The following FRY variants were observed in gnomAD, a reference collection of about 807,000 sequenced individuals.
FRY encodes protein furry homolog.
Under a neutral mutation model 348.4 loss-of-function variants are expected in FRY, and 128 were observed. The ratio of observed to expected loss-of-function variants is 0.37; its 90% confidence interval spans 0.32 to 0.43. FRY has a LOEUF of 0.43. Among genes scored for constraint, FRY ranks in the 20% least tolerant of loss-of-function variants. The probability of loss-of-function intolerance (pLI) is 1.00; values close to 1 mark genes in which losing one functional copy is unlikely to be tolerated. For synonymous variants in FRY, 1,370 were observed against 1,374.7 expected (o/e 1.00, Z 0.08); for missense variants, 2,736 against 3,695.2 (o/e 0.74, Z 6.73).
chr13:32,260,840 A>G (rs942873659), intron 51 of FRY, among the ~76,000 whole-genome samples: 3 of 151,762 alleles, frequency 2.0e-5, no homozygotes, highest in South Asian at 2.1e-4. Context: ...AAACAAAAAA[A>G]CAGTAATAGG....
rs1226950307 is a variant in FRY at position 32,268,501 on chromosome 13, AAAAAATAT to A, written c.8136+1144_8136+1151del. Among the ~76,000 whole-genome samples the A allele has an allele frequency of 0.019, 316 of 16,810 alleles. 2 individuals carry two copies. In the East Asian group the frequency reaches 0.2, roughly 11 times the overall value. The allele number at this position is 16,810 out of a possible 152,430, so 11.0% of individuals were successfully genotyped here. On this transcript the variant is annotated intron_variant, in intron 55 of 60. Transcript: ENST00000542859. ...AAAGCTAGTTTAAAAAAAAAAAAAA[AAAAAATAT>A]ATATATATATATATATATATATATA...
chr13:32,149,940 C>T (rs894406166), intron 14 of FRY, 106 bp downstream of exon 14: 1 of 741,426 alleles, frequency 1.3e-6, no homozygotes, highest in African/African-American at 1.7e-5. Context: ...CTCACAAAGT[C>T]TTCTATTTGT....
intron 49 of FRY, among the ~76,000 whole-genome samples, chr13:32,251,077 G>T (rs1887054897): frequency 6.6e-6 from 1 of 152,150 alleles, no homozygotes; most frequent in Admixed American, 6.5e-5. Flanking sequence ...GAGTGGCATT[G>T]GCCTCCTAGC....
At chr13:32,204,940 A>T (rs907844425) in intron 31 of FRY, among the ~76,000 whole-genome samples, 6 of 152,192 alleles carry the variant, frequency 3.9e-5, no homozygotes, top group African/African-American at 7.2e-5. Flanking sequence ...ACAGTGGCTT[A>T]TGCCTGTATC....
chr13:32,249,581 G>A lies in FRY; in HGVS notation c.7064G>A (p.Gly2355Glu), dbSNP rs1463178125. ...CTGCAGAATTCTTCTGGGCGTGATGGGAAGCCCAGGGCCATGGCCGTCACC... is the reference window on the plus strand; with the variant it reads ...CTGCAGAATTCTTCTGGGCGTGATGAGAAGCCCAGGGCCATGGCCGTCACC... ...DELQNSSGRDGKPRAMAVTRS... is the reference protein window; with the variant it reads ...DELQNSSGRDEKPRAMAVTRS... The change falls in exon 49 of 61, where the codon GGG (glycine) becomes GAG (glutamate). Residue 2355 changes from glycine (G) to glutamate (E), a missense_variant. Coordinates refer to ENST00000542859, the MANE Select transcript of FRY (RefSeq NM_023037.3). The A allele has an allele frequency of 3.1e-6, 5 of 1,614,036 alleles. No homozygotes were observed. Among genetic ancestry groups the A allele is most frequent in the Non-Finnish European group, 3.4e-6 (4 of 1,179,888 alleles).
intron 1 of FRY, among the ~76,000 whole-genome samples, chr13:32,067,502 A>G (rs1426031024): frequency 6.6e-6 from 1 of 152,192 alleles, no homozygotes; most frequent in African/African-American, 2.4e-5. Flanking sequence ...GGTCAGGATT[A>G]TTTGTCAAGC....
At chr13:32,032,665 A>G (rs576537484) in intron 1 of FRY, among the ~76,000 whole-genome samples, 1 of 152,332 alleles carries the variant, frequency 6.6e-6, no homozygotes, top group South Asian at 2.1e-4. Flanking sequence ...TCTGGAATCA[A>G]ATTAAAATGA....
intron 2 of FRY, chr13:32,086,056 A>G (rs748583113): frequency 7.9e-6 from 4 of 505,700 alleles, no homozygotes; most frequent in Non-Finnish European, 1.6e-5. Context: ...ATTTGAGGTA[A>G]GTCCGCCTCT....
rs1882530332 is a variant in FRY at position 32,178,885 on chromosome 13, G to C, written c.2723G>C (p.Gly908Ala). ...AAGAAAACCAGCACTGCCGGCAGCG[G>C]AGACAACTATGTTACTTTGTGGAGA... ...NAKKTSTAGS[G>A]DNYVTLWRNY... The change falls in exon 22 of 61, where the codon GGA (glycine) becomes GCA (alanine). Residue 908 changes from glycine to alanine, a missense_variant. Physicochemically the swap from Gly to Ala is moderately conservative, Grantham distance 60. Transcript: ENST00000542859. 6.2e-7 allele frequency: 1 copy of C among 1,613,858 alleles called. No individual in the cohort carries two copies. The highest frequency in any genetic ancestry group is 8.5e-7 in the Non-Finnish European group (1 of 1,179,766).
intron 51 of FRY, among the ~76,000 whole-genome samples, chr13:32,255,607 T>C (rs1257721580): frequency 6.6e-6 from 1 of 152,216 alleles, no homozygotes; most frequent in Non-Finnish European, 1.5e-5. Context: ...GGCACTGCTA[T>C]CATGTATCCT....
intron 17 of FRY, among the ~76,000 whole-genome samples, chr13:32,166,690 G>A (rs78051819): frequency 0.022 from 3,348 of 152,070 alleles, 57 homozygotes; most frequent in Non-Finnish European, 0.033. Context: ...ATGCTTCGAG[G>A]GACAGACACA....
intron 56 of FRY, 92 bp from the exon 57 acceptor site, chr13:32,276,372 A>C: frequency 1.3e-6 from 1 of 783,624 alleles, no homozygotes; most frequent in Non-Finnish European, 2.3e-6. Flanking sequence ...ACCCCTTAAC[A>C]GCACTTCTAA....
intron 1 of FRY, among the ~76,000 whole-genome samples, chr13:32,059,750 T>C (rs34612445): frequency 0.021 from 3,127 of 152,270 alleles, 42 homozygotes; most frequent in Middle Eastern, 0.037. Flanking sequence ...CCTAGTTATA[T>C]ACAGAATGAG....
intron 39 of FRY, among the ~76,000 whole-genome samples, chr13:32,227,805 G>A (rs1393380500): frequency 4.7e-5 from 7 of 148,328 alleles, no homozygotes; most frequent in South Asian, 4.3e-4. Flanking sequence ...AGGCTGGAGC[G>A]CAGCGGCGCG....
chr13:32,167,336 A>G (rs909375642), intron 17 of FRY, among the ~76,000 whole-genome samples: 2 of 152,160 alleles, frequency 1.3e-5, no homozygotes, highest in African/African-American at 4.8e-5. Flanking sequence ...CCTGCTCAAG[A>G]CTATGAGAGA....
intron 17 of FRY, among the ~76,000 whole-genome samples, chr13:32,163,383 C>T (rs752449229): frequency 9.9e-5 from 15 of 152,130 alleles, no homozygotes; most frequent in Non-Finnish European, 1.6e-4. Flanking sequence ...CTGCATGATC[C>T]GGACAAATTA....
At position 32,178,409 on chromosome 13, in the gene FRY, A is replaced by T; in HGVS notation, c.2654A>T (p.Gln885Leu). 1 of 1,614,150 alleles carries T rather than the reference A, an allele frequency of 6.2e-7. No individual in the cohort carries two copies. The highest frequency in any genetic ancestry group is 8.5e-7 in the Non-Finnish European group (1 of 1,180,006). Residue 885 changes from glutamine (Q) to leucine (L), a missense_variant, in exon 21 of 61, where the codon CAG (glutamine) becomes CTG (leucine). Gln to Leu is a moderately radical substitution (Grantham distance 113). This residue lies in a region of FRY where 449 missense variants were observed against 576.9 expected (regional missense o/e 0.78). Coordinates refer to ENST00000542859, the MANE Select transcript of FRY (RefSeq NM_023037.3). ...TGGCCTTATGCCTTCACTCGGCTCC[A>T]GTCGGTGATGCCTCTGGTGGACCCA... ...YAWPYAFTRL[Q>L]SVMPLVDPNS...
chr13:32,170,960 G>A (rs1335323610), intron 17 of FRY, 52 bp from the exon 18 acceptor site: 11 of 1,291,668 alleles, frequency 8.5e-6, no homozygotes, highest in Non-Finnish European at 1.2e-5. Context: ...GTTAGCTCTA[G>A]AAGACCAGTT....
chr13:32,147,248 C>A, intron 11 of FRY, 34 bp from the exon 12 acceptor site: 1 of 1,255,170 alleles, frequency 8.0e-7, no homozygotes, highest in Non-Finnish European at 1.2e-6. Flanking sequence ...TCACTATTTA[C>A]ATCTGCAGTC....
Sources: gnomAD v4.1 joint callset for allele counts (sites outside exome capture counted in the v4.1 genomes callset) on GRCh38, gnomAD v4.1.1 for gene constraint, gnomAD v4.1.1 regional missense constraint, MANE v1.5 for transcripts, NCBI Gene and HGNC (gene_info 2026-07-23, HGNC 2026-07-21) for gene names.